The following NRXN3 variants were observed in gnomAD, a reference collection of about 807,000 sequenced individuals.
NRXN3 encodes the protein neurexin 3.
A neutral mutation model predicts 137.6 loss-of-function variants in NRXN3; 32 were observed. That is an observed-to-expected ratio of 0.23 (90% CI 0.18 to 0.31). NRXN3 has a LOEUF of 0.31. Among genes scored for constraint, NRXN3 ranks in the 10% least tolerant of loss-of-function variants. The probability of loss-of-function intolerance (pLI) is 1.00; values close to 1 mark genes in which losing one functional copy is unlikely to be tolerated. For synonymous variants in NRXN3, 798 were observed against 784.5 expected, an observed-to-expected ratio of 1.02 and a Z score of -0.29; for missense variants, 1,574 against 2,062.5, an observed-to-expected ratio of 0.76 and a Z score of 4.59.
chr14:79,115,194 A>G (rs1156659148), intron 15 of NRXN3, among the ~76,000 whole-genome samples: 7 of 152,032 alleles, frequency 4.6e-5, no homozygotes, highest in African/African-American at 1.7e-4. Context: ...ACGTGGTGGC[A>G]CATGCCTGTA....
chr14:79,232,531 G>A (rs1271676286), intron 15 of NRXN3, among the ~76,000 whole-genome samples: 1 of 152,068 alleles, frequency 6.6e-6, no homozygotes, highest in Non-Finnish European at 1.5e-5. Context: ...TCTGGCTACT[G>A]AGCTTCTTAA....
At chr14:78,865,617 T>C (rs765517484) in intron 10 of NRXN3, among the ~76,000 whole-genome samples, 5 of 152,184 alleles carry the variant, frequency 3.3e-5, no homozygotes, top group African/African-American at 4.8e-5. Flanking sequence ...GATTTATACA[T>C]TGTGACATGC....
chr14:78,477,246 A>G (rs1398587054), intron 4 of NRXN3, among the ~76,000 whole-genome samples: 1 of 152,158 alleles, frequency 6.6e-6, no homozygotes, highest in Non-Finnish European at 1.5e-5. Flanking sequence ...CCCAGTTAAT[A>G]TACCAGAGCC....
At chr14:78,274,464 G>A (rs1444798955) in intron 2 of NRXN3, among the ~76,000 whole-genome samples, 1 of 152,180 alleles carries the variant, frequency 6.6e-6, no homozygotes, top group Non-Finnish European at 1.5e-5. Context: ...CTGCCCCCAT[G>A]ATTAAATTAT....
intron 1 of NRXN3, among the ~76,000 whole-genome samples, chr14:78,179,852 T>G (rs1224520493): frequency 1.3e-5 from 2 of 149,738 alleles, no homozygotes; most frequent in African/African-American, 2.5e-5. Flanking sequence ...GTTTTTTTTT[T>G]TTTCTTGTTT....
chr14:79,176,142 A>G (rs910901429), intron 15 of NRXN3, among the ~76,000 whole-genome samples: 3 of 152,232 alleles, frequency 2.0e-5, no homozygotes, highest in African/African-American at 7.2e-5. Context: ...TATGTGAACG[A>G]ACCAACCACG....
At chr14:79,675,677 T>C (rs1342898437) in intron 17 of NRXN3, among the ~76,000 whole-genome samples, 1 of 151,948 alleles carries the variant, frequency 6.6e-6, no homozygotes, top group Non-Finnish European at 1.5e-5. Flanking sequence ...GATAAAGAAA[T>C]AAAGAGATAC....
chr14:79,165,357 T>C (rs1568475310), intron 15 of NRXN3, among the ~76,000 whole-genome samples: 1 of 151,994 alleles, frequency 6.6e-6, no homozygotes, highest in African/African-American at 2.4e-5. Flanking sequence ...AATCTTTTAT[T>C]TGAGGTCTAG....
chr14:79,795,931 GAAGA>G (rs977257422), intron 19 of NRXN3, among the ~76,000 whole-genome samples: 7 of 152,060 alleles, frequency 4.6e-5, no homozygotes, highest in Admixed American at 2.0e-4. Flanking sequence ...AGGAAAATAA[GAAGA>G]AAGAAAGGGA....
intron 19 of NRXN3, among the ~76,000 whole-genome samples, chr14:79,709,449 C>G (rs1374409450): frequency 6.6e-6 from 1 of 152,144 alleles, no homozygotes; most frequent in Non-Finnish European, 1.5e-5. Context: ...CTGTCCCTTA[C>G]TTTACTGCAT....
intron 16 of NRXN3, among the ~76,000 whole-genome samples, chr14:79,536,491 C>T (rs2153726774): frequency 6.6e-6 from 1 of 151,678 alleles, no homozygotes; most frequent in Non-Finnish European, 1.5e-5. Context: ...GATACATGTG[C>T]AGGATGTGAA....
intron 4 of NRXN3, chr14:78,526,759 T>C (rs777355914): frequency 3.9e-6 from 2 of 517,958 alleles, no homozygotes; most frequent in Middle Eastern, 3.2e-4. Context: ...TGACTATTTA[T>C]AGACAGGAAA....
At chr14:79,111,483 A>G (rs370778057) in intron 15 of NRXN3, among the ~76,000 whole-genome samples, 16 of 152,264 alleles carry the variant, frequency 1.1e-4, no homozygotes, top group Admixed American at 2.0e-4. Context: ...TCATGCCTGT[A>G]ATCCCAGCAC....
At chr14:78,621,377 A>C (rs1033431644) in intron 4 of NRXN3, among the ~76,000 whole-genome samples, 2 of 152,234 alleles carry the variant, frequency 1.3e-5, no homozygotes, top group African/African-American at 4.8e-5. Flanking sequence ...TTTATAAAAC[A>C]AAAAGAGAAA....
chr14:79,601,206 C>T (rs548576113), intron 16 of NRXN3, among the ~76,000 whole-genome samples: 1 of 152,098 alleles, frequency 6.6e-6, no homozygotes, highest in East Asian at 1.9e-4. Flanking sequence ...CCACGCCCAA[C>T]TAATTTTTGT....
At chr14:79,337,376 G>A (rs138266169) in intron 15 of NRXN3, among the ~76,000 whole-genome samples, 31 of 152,286 alleles carry the variant, frequency 2.0e-4, no homozygotes, top group African/African-American at 5.5e-4. Flanking sequence ...CCAATCAGAT[G>A]TTTCAAGTGA....
chr14:78,179,810 GTT>G (rs1164540691), intron 1 of NRXN3, among the ~76,000 whole-genome samples: 19 of 28,862 alleles, frequency 6.6e-4, no homozygotes, highest in Non-Finnish European at 1.1e-3. Context: ...TTTGTTCTTT[GTT>G]TTTTTTTTTT....
At position 78,882,945 on chromosome 14, in the gene NRXN3, G is replaced by GCAA. The variant is rs1462934509; in HGVS notation, c.2275+72601_2275+72602insCAA. Among the ~76,000 whole-genome samples, 333 of 149,038 alleles carry GCAA rather than the reference G, an allele frequency of 2.2e-3. 5 individuals carry two copies. Among genetic ancestry groups the GCAA allele is most frequent in the African/African-American group, 8.0e-3 (310 of 38,548 alleles). On this transcript the variant is annotated intron_variant, in intron 10 of 20. Coordinates refer to ENST00000335750, the MANE Select transcript of NRXN3 (RefSeq NM_001330195.2). Reference sequence around the variant, plus strand: ...GGGAGGTACTTGAATCATGGGAGTGGTTACCCTCATGCTGTTCTCATGATA... The same window carrying GCAA: ...GGGAGGTACTTGAATCATGGGAGTGGCAATTACCCTCATGCTGTTCTCATGATA...
chr14:79,315,958 A>G (rs1486057511), intron 15 of NRXN3, among the ~76,000 whole-genome samples: 1 of 152,222 alleles, frequency 6.6e-6, no homozygotes, highest in African/African-American at 2.4e-5. Context: ...ACATTTCCAG[A>G]TGATGTCACA....
Sources: allele counts gnomAD v4.1 joint callset (sites outside exome capture counted in the v4.1 genomes callset), GRCh38; gene constraint gnomAD v4.1.1; transcripts MANE v1.5; gene names NCBI Gene and HGNC (gene_info 2026-07-23, HGNC 2026-07-21).